MOXD1: variants seen among roughly 807,000 people sequenced by gnomAD.
MOXD1 encodes the protein monooxygenase DBH like 1.
Under a neutral mutation model 66.6 loss-of-function variants are expected in MOXD1, and 62 were observed. That is an observed-to-expected ratio of 0.93 (90% CI 0.76 to 1.15). MOXD1 has a LOEUF of 1.15. Among genes scored for constraint, MOXD1 ranks in the 50% most tolerant of loss-of-function variants. The pLI is 0.00. For missense variants in MOXD1, 847 were observed against 754.6 expected (o/e 1.12, Z -1.44); for synonymous variants, 303 against 281.9 (o/e 1.07, Z -0.75).
At chr6:132,363,473 G>A (rs922012808) in intron 4 of MOXD1, among the ~76,000 whole-genome samples, 8 of 151,864 alleles carry the variant, frequency 5.3e-5, no homozygotes, top group African/African-American at 9.7e-5. Flanking sequence ...CTTCTTCCAC[G>A]CAAATTATTT....
chr6:132,321,627 T>C (rs975840362), intron 8 of MOXD1, among the ~76,000 whole-genome samples: 1 of 152,186 alleles, frequency 6.6e-6, no homozygotes, highest in Admixed American at 6.5e-5. Flanking sequence ...TTGACCTCCC[T>C]GCACGCCACT....
chr6:132,341,291 C>T (rs911711888), intron 4 of MOXD1, among the ~76,000 whole-genome samples: 9 of 152,162 alleles, frequency 5.9e-5, no homozygotes, highest in African/African-American at 1.7e-4. Context: ...ATCTTGGAAT[C>T]GGACAATAGC....
chr6:132,309,896 A>G (rs748844661), intron 10 of MOXD1, among the ~76,000 whole-genome samples: 2 of 152,210 alleles, frequency 1.3e-5, no homozygotes, highest in Non-Finnish European at 2.9e-5. Context: ...AACCATAGAA[A>G]CCCTAGAAGA....
rs3038136 is a variant in MOXD1 at position 132,378,875 on chromosome 6, C to CTTTTTTTTTTTTTTTTTT, written c.265-4116_265-4099dup. ...AATGAAAGAGGACAGAACACTTCCT[C>CTTTTTTTTTTTTTTTTTT]TTTTTTTTTTTTTTTTTTTTTTTTT... On this transcript the variant is annotated intron_variant, in intron 1 of 11. Coordinates refer to ENST00000367963, the MANE Select transcript of MOXD1 (RefSeq NM_015529.4). Among the ~76,000 whole-genome samples, 6 of 41,916 alleles carry CTTTTTTTTTTTTTTTTTT rather than the reference C, an allele frequency of 1.4e-4. 2 individuals are homozygous for CTTTTTTTTTTTTTTTTTT. The highest frequency in any genetic ancestry group is 7.5e-4 in the East Asian group (1 of 1,328). 27.5% of individuals were successfully genotyped at this position (41,916 alleles called of 152,430 possible).
chr6:132,327,927 T>C, intron 6 of MOXD1, 86 bp downstream of exon 6: 2 of 995,622 alleles, frequency 2.0e-6, no homozygotes, highest in Non-Finnish European at 3.1e-6. Context: ...CACTGGCTGC[T>C]ATTTTGTTTC....
chr6:132,312,734 G>A (rs2114550391), intron 10 of MOXD1, among the ~76,000 whole-genome samples: 1 of 150,946 alleles, frequency 6.6e-6, no homozygotes, highest in South Asian at 2.1e-4. Context: ...GAGACCAAAG[G>A]TATGGACACT....
intron 10 of MOXD1, among the ~76,000 whole-genome samples, chr6:132,301,361 G>A (rs1050599804): frequency 6.6e-6 from 1 of 151,994 alleles, no homozygotes; most frequent in East Asian, 1.9e-4. Flanking sequence ...CCATGGTAGA[G>A]TAATTTTTTA....
Position 132,333,229 on chromosome 6 carries a change from G to A in MOXD1, c.664-4635C>T, listed in dbSNP as rs879776750. 9.9e-5 allele frequency among the ~76,000 whole-genome samples: 15 copies of A among 151,496 alleles called. No homozygotes were observed. The South Asian group carries it at 2.1e-3, about 21-fold the overall frequency. On this transcript the variant is annotated intron_variant, in intron 4 of 11. Coordinates refer to ENST00000367963, the MANE Select transcript of MOXD1 (RefSeq NM_015529.4). The stretch of plus-strand genomic sequence containing the variant: ...CGGGCACCTGTAGTCCCAGCTACTC[G>A]GGAGACTGAGGCAGGAGAATGGCGT...
chr6:132,327,406 T>C (rs1483065827), intron 6 of MOXD1, among the ~76,000 whole-genome samples: 1 of 152,206 alleles, frequency 6.6e-6, no homozygotes, highest in Non-Finnish European at 1.5e-5. Context: ...GCTGAAAAAT[T>C]GCATGAGTCA....
intron 1 of MOXD1, among the ~76,000 whole-genome samples, chr6:132,395,286 T>C (rs1269196871): frequency 2.6e-5 from 4 of 152,104 alleles, no homozygotes; most frequent in African/African-American, 7.2e-5. Context: ...AGACCAGATC[T>C]ATAAGAAATG....
At chr6:132,317,312 T>C (rs745755404) in intron 9 of MOXD1, among the ~76,000 whole-genome samples, 30 of 152,170 alleles carry the variant, frequency 2.0e-4, no homozygotes, top group Admixed American at 1.3e-4. Context: ...TTGCACTTGA[T>C]GAGCAAGGCA....
At chr6:132,395,188 C>A (rs560495407) in intron 1 of MOXD1, among the ~76,000 whole-genome samples, 48 of 152,130 alleles carry the variant, frequency 3.2e-4, no homozygotes, top group Non-Finnish European at 4.9e-4. Context: ...ACCAAGGATA[C>A]CATACCCAGA....
intron 4 of MOXD1, among the ~76,000 whole-genome samples, chr6:132,352,827 T>C (rs1267744221): frequency 1.3e-5 from 2 of 152,176 alleles, no homozygotes; most frequent in Non-Finnish European, 2.9e-5. Context: ...GTTACGTGCA[T>C]GTATGTTTAG....
chr6:132,398,341 T>C (rs2114702786), intron 1 of MOXD1, among the ~76,000 whole-genome samples: 1 of 152,314 alleles, frequency 6.6e-6, no homozygotes, highest in African/African-American at 2.4e-5. Context: ...GAGTTTAATA[T>C]AATTAGGAAA....
At position 132,315,622 on chromosome 6, in the gene MOXD1, A is replaced by G. The variant is rs1441963046; in HGVS notation, c.1508+13T>C. The G allele has an allele frequency of 3.7e-6, 6 of 1,602,088 alleles. No individual in the cohort carries two copies. The highest frequency in any genetic ancestry group is 4.3e-6 in the Non-Finnish European group (5 of 1,175,998). ...AATACGTTACCCCATCATAAAATACATTTACTACTTACGTGACTGGTCTGT... is the reference window on the plus strand; with the variant it reads ...AATACGTTACCCCATCATAAAATACGTTTACTACTTACGTGACTGGTCTGT... On this transcript the variant is annotated intron_variant, in intron 10 of 11. Transcript: ENST00000367963.
chr6:132,378,479 A>G (rs909457420), intron 1 of MOXD1, among the ~76,000 whole-genome samples: 2 of 152,182 alleles, frequency 1.3e-5, no homozygotes, highest in African/African-American at 2.4e-5. Context: ...TACTTTATGG[A>G]ATCAAAATAA....
chr6:132,375,187 C>T (rs1776353343), intron 1 of MOXD1: 1 of 209,890 alleles, frequency 4.8e-6, no homozygotes, highest in Non-Finnish European at 9.4e-6. Flanking sequence ...TCACTCTTTC[C>T]ATTACAACTC....
At chr6:132,374,949 A>G (rs1776348442) in intron 1 of MOXD1, 172 bp from the exon 2 acceptor site, 1 of 643,812 alleles carries the variant, frequency 1.6e-6, no homozygotes, top group East Asian at 2.7e-5. Flanking sequence ...AAACTAGTCC[A>G]TCTTTGAACT....
At chr6:132,392,029 T>C in intron 1 of MOXD1, 2 of 710,912 alleles carry the variant, frequency 2.8e-6, no homozygotes, top group Non-Finnish European at 4.4e-6. Flanking sequence ...AAATATCTCT[T>C]AACAAAGCAC....
Sources: allele counts gnomAD v4.1 joint callset (sites outside exome capture counted in the v4.1 genomes callset), GRCh38; gene constraint gnomAD v4.1.1; transcripts MANE v1.5; gene names NCBI Gene and HGNC (gene_info 2026-07-23, HGNC 2026-07-21).